The following GSDME variants were observed in gnomAD, a reference collection of about 807,000 sequenced individuals.
GSDME encodes gasdermin-E.
In GSDME, 44 loss-of-function variants were observed where a neutral mutation model predicts 47.5. The observed-to-expected ratio is 0.93, with a 90% CI of 0.73 to 1.19. The LOEUF (loss-of-function observed/expected upper bound fraction) is 1.19, where lower values mean the gene tolerates loss of function less well. GSDME is among the 50% of genes most tolerant of loss of function. GSDME has a pLI of 0.00. For synonymous variants in GSDME, 258 were observed against 252.8 expected (o/e 1.02, Z -0.20); for missense variants, 663 against 604.2 (o/e 1.10, Z -1.02).
chr7:24,765,762 A>G, the GSDME span, among the ~76,000 whole-genome samples: 2 of 152,260 alleles, frequency 1.3e-5, no homozygotes, highest in African/African-American at 4.8e-5. Flanking sequence ...TTAGATATCT[A>G]TAATACCCAC....
At chr7:24,706,455 C>A in intron 7 of GSDME, 79 bp from the exon 8 acceptor site, 1 of 1,420,494 alleles carries the variant, frequency 7.0e-7, no homozygotes, top group Non-Finnish European at 9.7e-7. Flanking sequence ...TCACAGTACA[C>A]ACAAGCCCCA....
Position 24,705,866 on chromosome 7 carries a change from G to A in GSDME, c.1183+318C>T, listed in dbSNP as rs1256593498. ...GCCACTCAGCTCTGCTGGGACTCCG[G>A]AGTGAACCACAGCCTGTCAGGGAGA... On this transcript the variant is annotated intron_variant, in intron 8 of 9. Transcript: ENST00000645220. The surrounding 1 kb of genome is among the most constrained non-coding windows in gnomAD (Gnocchi z 4.1). 2.3e-6 allele frequency: 1 copy of A among 438,324 alleles called. No homozygotes were observed. The highest frequency in any genetic ancestry group is 4.3e-6 in the Non-Finnish European group (1 of 234,610). 27.2% of individuals were successfully genotyped at this position (438,324 alleles called of 1,614,324 possible).
the GSDME span, among the ~76,000 whole-genome samples, chr7:24,771,898 G>A: frequency 6.6e-6 from 1 of 152,212 alleles, no homozygotes; most frequent in Non-Finnish European, 1.5e-5. This position sits in a 1 kb window ranked among gnomAD's most constrained non-coding sequence, Gnocchi z 4.1. Context: ...GAGAGCCTGA[G>A]AGCATCCCTG....
At chr7:24,778,254 C>T in the GSDME span, among the ~76,000 whole-genome samples, 1 of 151,714 alleles carries the variant, frequency 6.6e-6, no homozygotes, top group Non-Finnish European at 1.5e-5. The surrounding 1 kb of genome is among the most constrained non-coding windows in gnomAD (Gnocchi z 5.6). Flanking sequence ...TTCCCAGGGG[C>T]CTTTGTAACA....
chr7:24,734,046 T>C (rs1790224785), intron 3 of GSDME, among the ~76,000 whole-genome samples: 1 of 152,194 alleles, frequency 6.6e-6, no homozygotes. Flanking sequence ...CAGTTGCTTG[T>C]GTCACCTCTC....
rs2128067736 is a variant in GSDME at position 24,754,080 on chromosome 7, GAGA to G, written c.-20+3313_-20+3315del. 6.6e-6 allele frequency among the ~76,000 whole-genome samples: 1 copy of G among 152,340 alleles called. No homozygotes were observed. Among genetic ancestry groups the G allele is most frequent in the African/African-American group, 2.4e-5 (1 of 41,590 alleles). On this transcript the variant is annotated intron_variant, in intron 1 of 9. Transcript: ENST00000645220. The surrounding 1 kb of genome is among the most constrained non-coding windows in gnomAD (Gnocchi z 5.0). The stretch of plus-strand genomic sequence containing the variant: ...ACATTTTCACAATGCTCCAATTTGG[GAGA>G]AGATGAAAATGGCCTCAGGAGGCAT...
At chr7:24,702,735 A>G (rs755986632) in intron 9 of GSDME, 25 bp downstream of exon 9, 1 of 1,605,916 alleles carries the variant, frequency 6.2e-7, no homozygotes, top group South Asian at 1.1e-5. Context: ...ATCCATTCTA[A>G]GGTCCCACCT....
At chr7:24,741,592 T>A (rs1790493949) in intron 3 of GSDME, among the ~76,000 whole-genome samples, 1 of 152,318 alleles carries the variant, frequency 6.6e-6, no homozygotes, top group African/African-American at 2.4e-5. Flanking sequence ...AAAGCTAATA[T>A]TCTGATTTTT....
rs963663020 is a variant in GSDME at position 24,744,374 on chromosome 7, G to A, written c.404+188C>T. 3 of 683,576 alleles carry A rather than the reference G, an allele frequency of 4.4e-6. No homozygotes were observed. The highest frequency in any genetic ancestry group is 7.7e-6 in the Non-Finnish European group (3 of 389,704). The allele number at this position is 683,576 out of a possible 1,614,324, so 42.3% of individuals were successfully genotyped here. ...TGCTTCCCAAGTCTCCCCCCACTCA[G>A]GCTAAGAACAGTCAAGCAATTCCAG... is the stretch of plus-strand genomic sequence containing the variant. On this transcript the variant is annotated intron_variant, in intron 3 of 9. Coordinates refer to ENST00000645220, the MANE Select transcript of GSDME (RefSeq NM_001127453.2). This position sits in a 1 kb window ranked among gnomAD's most constrained non-coding sequence, Gnocchi z 4.5.
Position 24,725,326 on chromosome 7 carries a change from A to G in GSDME, c.405-6108T>C, listed in dbSNP as rs545540272. On this transcript the variant is annotated intron_variant, in intron 3 of 9. Coordinates refer to ENST00000645220, the MANE Select transcript of GSDME (RefSeq NM_001127453.2). This position sits in a 1 kb window ranked among gnomAD's most constrained non-coding sequence, Gnocchi z 5.1. Reference sequence around the variant, plus strand: ...CTGTAAATGTTTTTTTCCTTCCACTATTGGCAGGGAAGGCAAGTCAAGACC... The same window carrying G: ...CTGTAAATGTTTTTTTCCTTCCACTGTTGGCAGGGAAGGCAAGTCAAGACC... Among the ~76,000 whole-genome samples the G allele has an allele frequency of 7.2e-5, 11 of 152,212 alleles. No individual in the cohort carries two copies. The highest frequency in any genetic ancestry group is 2.4e-4 in the African/African-American group (10 of 41,536).
In GSDME at chr7:24,707,875, CTA is replaced by C. The variant is rs149009306; in HGVS notation, c.990+250_990+251del. ...GACTTTGGACTTTTGGGCTCCAAAA[CTA>C]TGAGAGAATAAATTCCTGGTTTTTT... On this transcript the variant is annotated intron_variant, in intron 7 of 9. Transcript: ENST00000645220. The C allele has an allele frequency of 0.089, 51,457 of 580,446 alleles. 2,609 individuals carry two copies. The highest frequency in any genetic ancestry group is 0.12 in the Admixed American group (3,950 of 32,756). 36.0% of individuals were successfully genotyped at this position (580,446 alleles called of 1,614,324 possible). A position where few individuals can be genotyped will look rare whatever the true frequency, so the allele number is the denominator to read the frequency against.
At chr7:24,723,396 G>T (rs1306176383) in intron 3 of GSDME, among the ~76,000 whole-genome samples, 2 of 152,124 alleles carry the variant, frequency 1.3e-5, no homozygotes, top group Non-Finnish European at 2.9e-5. Context: ...CCAGACCCTG[G>T]CTCTGGCCCT....
chr7:24,749,679 C>T lies in GSDME; in HGVS notation c.96G>A (p.Gln32=). 1 of 1,614,102 alleles carries T rather than the reference C, an allele frequency of 6.2e-7. No homozygotes were observed. Among genetic ancestry groups the T allele is most frequent in the South Asian group, 1.1e-5 (1 of 91,082 alleles). ...TCTTTTTTGTCACCAGACTTAGAAG[C>T]TGTAACTTATCAGAGTCATTCAGAT... ...VSNLNDSDKL[Q]LLSLVTKKKR... Residue 32 remains glutamine, a synonymous_variant, in exon 2 of 10, where the codon CAG becomes CAA. Transcript: ENST00000645220.
chr7:24,746,835 C>T (rs560636110), intron 2 of GSDME, among the ~76,000 whole-genome samples: 4 of 152,332 alleles, frequency 2.6e-5, no homozygotes, highest in Middle Eastern at 6.8e-3. Flanking sequence ...CACCAGTCAC[C>T]ACCCTACACC....
At chr7:24,749,362 C>T (rs1475323372) in intron 2 of GSDME, among the ~76,000 whole-genome samples, 1 of 151,792 alleles carries the variant, frequency 6.6e-6, no homozygotes, top group African/African-American at 2.4e-5. Context: ...ATTAGCTGGG[C>T]GTGGTGGTGG....
chr7:24,754,006 A>T lies in GSDME; in HGVS notation c.-20+3390T>A, dbSNP rs1268273515. Reference sequence around the variant, plus strand: ...AAGGATCTAGAACTCAAGTTGCCCGACACAGACAAGCACAGTCATGTCTCA... The same window carrying T: ...AAGGATCTAGAACTCAAGTTGCCCGTCACAGACAAGCACAGTCATGTCTCA... On this transcript the variant is annotated intron_variant, in intron 1 of 9. Coordinates refer to ENST00000645220, the MANE Select transcript of GSDME (RefSeq NM_001127453.2). This position sits in a 1 kb window ranked among gnomAD's most constrained non-coding sequence, Gnocchi z 5.0. 6.6e-6 allele frequency among the ~76,000 whole-genome samples: 1 copy of T among 152,224 alleles called. No homozygotes were observed. The highest frequency in any genetic ancestry group is 2.4e-5 in the African/African-American group (1 of 41,462).
rs1174592627 is a variant in GSDME at position 24,733,283 on chromosome 7, A to G, written c.404+11279T>C. 1.3e-5 allele frequency among the ~76,000 whole-genome samples: 2 copies of G among 152,060 alleles called. No individual in the cohort carries two copies. Among genetic ancestry groups the G allele is most frequent in the Non-Finnish European group, 2.9e-5 (2 of 68,008 alleles). ...ATCTGCAACAGTAACCAGGCAATAC[A>G]TGCCATGAGCCTTGGGTGAGACTCT... On this transcript the variant is annotated intron_variant, in intron 3 of 9. Transcript: ENST00000645220. This position sits in a 1 kb window ranked among gnomAD's most constrained non-coding sequence, Gnocchi z 4.3.
the GSDME span, among the ~76,000 whole-genome samples, chr7:24,767,921 T>C: frequency 6.6e-6 from 1 of 152,220 alleles, no homozygotes; most frequent in Non-Finnish European, 1.5e-5. This position sits in a 1 kb window ranked among gnomAD's most constrained non-coding sequence, Gnocchi z 5.3. Flanking sequence ...TAATGTTTTA[T>C]TAAGGGCCAT....
intron 1 of GSDME, among the ~76,000 whole-genome samples, chr7:24,751,939 G>A (rs1227580246): frequency 6.6e-6 from 1 of 152,176 alleles, no homozygotes; most frequent in East Asian, 1.9e-4. Context: ...GATTGTTCCA[G>A]GGAAAGAACC....
Sources: allele counts gnomAD v4.1 joint callset (sites outside exome capture counted in the v4.1 genomes callset), GRCh38; gene constraint gnomAD v4.1.1; non-coding constraint Gnocchi (gnomAD v3.1); transcripts MANE v1.5; gene names NCBI Gene and HGNC (gene_info 2026-07-23, HGNC 2026-07-21).